The following CFAP91 variants were observed in gnomAD, a reference collection of about 807,000 sequenced individuals.
CFAP91 encodes cilia and flagella associated protein 91.
CFAP91 carries 85 observed loss-of-function variants against 95.9 expected under a neutral mutation model. The ratio of observed to expected loss-of-function variants is 0.89; its 90% CI spans 0.74 to 1.06. CFAP91 has a LOEUF of 1.06. CFAP91 is among the 50% of genes least tolerant of loss of function. The pLI, the probability that CFAP91 is intolerant of heterozygous loss-of-function variation, is 0.00. For synonymous variants in CFAP91, 335 were observed against 327.5 expected (o/e 1.02, Z -0.25); for missense variants, 962 against 943.4 (o/e 1.02, Z -0.26).
At chr3:119,703,724 C>T (rs1052087969) in intron 1 of CFAP91, among the ~76,000 whole-genome samples, 1 of 152,066 alleles carries the variant, frequency 6.6e-6, no homozygotes, top group Non-Finnish European at 1.5e-5. Context: ...CCGCTGGCTC[C>T]TCTTGGGCCA....
chr3:119,718,084 C>T (rs2053613831), intron 6 of CFAP91, among the ~76,000 whole-genome samples: 2 of 152,110 alleles, frequency 1.3e-5, no homozygotes, highest in Admixed American at 1.3e-4. Flanking sequence ...TGGTCTCCAC[C>T]CAAGAACCCC....
chr3:119,751,159 G>A, intron 17 of CFAP91, 61 bp downstream of exon 17: 1 of 1,517,626 alleles, frequency 6.6e-7, no homozygotes, highest in South Asian at 1.3e-5. Flanking sequence ...GCATTGTTCA[G>A]CTTTGTGCTG....
rs1375943915 is a variant in CFAP91, at chr3:119,732,487, T to C, written c.1201+11T>C. On this transcript the variant is annotated intron_variant, in intron 9 of 17. Coordinates refer to ENST00000273390, the MANE Select transcript of CFAP91 (RefSeq NM_033364.4). ...TCAACACCTATGAAGGTAAGCAATT[T>C]ACATAATTAGAAATCCAGTATAAGA... 1 of 1,526,076 alleles carries C rather than the reference T, an allele frequency of 6.6e-7. No homozygotes were observed. Among genetic ancestry groups the C allele is most frequent in the Non-Finnish European group, 8.9e-7 (1 of 1,129,766 alleles). The allele number at this position is 1,526,076 out of a possible 1,614,324, so 94.5% of individuals were successfully genotyped here.
intron 6 of CFAP91, among the ~76,000 whole-genome samples, chr3:119,717,535 A>C (rs2053599437): frequency 6.9e-6 from 1 of 144,740 alleles, no homozygotes; most frequent in African/African-American, 2.5e-5. Context: ...AATATCTGTT[A>C]AGTAAAATAC....
chr3:119,725,829 C>T (rs76054018), intron 6 of CFAP91, among the ~76,000 whole-genome samples: 1 of 152,074 alleles, frequency 6.6e-6, no homozygotes, highest in Non-Finnish European at 1.5e-5. Flanking sequence ...ATTTTTCCCA[C>T]CTCAGGGCTC....
At chr3:119,705,659 T>A (rs1229809050) in intron 1 of CFAP91, among the ~76,000 whole-genome samples, 5 of 152,174 alleles carry the variant, frequency 3.3e-5, no homozygotes, top group African/African-American at 9.6e-5. Context: ...CCTTACCCGA[T>A]TTCTTCTTTT....
chr3:119,707,292 A>G lies in CFAP91; in HGVS notation c.202-112A>G, dbSNP rs2053384015. 3 of 802,958 alleles carry G rather than the reference A, an allele frequency of 3.7e-6. No homozygotes were observed. In the South Asian group the frequency reaches 6.8e-5, roughly 18 times the overall value. 49.7% of individuals were successfully genotyped at this position (802,958 alleles called of 1,614,324 possible). A position where few individuals can be genotyped will look rare whatever the true frequency, so the allele number is the denominator to read the frequency against. ...GCATACAGCAATAACCCCTCTTCTT[A>G]TGCTGTATACATTGTTTTGTATGTT... On this transcript the variant is annotated intron_variant, in intron 2 of 17. Transcript: ENST00000273390.
At chr3:119,764,079 G>C (rs2054586983) in intron 17 of CFAP91, among the ~76,000 whole-genome samples, 1 of 152,070 alleles carries the variant, frequency 6.6e-6, no homozygotes, top group African/African-American at 2.4e-5. Context: ...CCATCATGCT[G>C]TACCTGACAA....
chr3:119,716,725 T>C (rs1047092857), intron 6 of CFAP91, among the ~76,000 whole-genome samples: 4 of 152,102 alleles, frequency 2.6e-5, no homozygotes, highest in African/African-American at 9.7e-5. Flanking sequence ...TAGCTGGGAG[T>C]ACAGGTGCAT....
At chr3:119,714,133 C>T (rs2053528585) in intron 5 of CFAP91, among the ~76,000 whole-genome samples, 1 of 151,842 alleles carries the variant, frequency 6.6e-6, no homozygotes, top group East Asian at 1.9e-4. Context: ...GAGGCAGAGA[C>T]GGGCGGATCA....
chr3:119,710,565 A>C (rs1250054762), intron 5 of CFAP91, among the ~76,000 whole-genome samples: 1 of 152,254 alleles, frequency 6.6e-6, no homozygotes, highest in East Asian at 1.9e-4. Context: ...TGGAGAAGAC[A>C]CAGACACATA....
chr3:119,743,704 G>C (rs1160832705), intron 13 of CFAP91, among the ~76,000 whole-genome samples: 1 of 152,160 alleles, frequency 6.6e-6, no homozygotes, highest in Non-Finnish European at 1.5e-5. Context: ...CATTCTCCAT[G>C]GTCACTAACA....
chr3:119,715,600 A>G lies in CFAP91; in HGVS notation c.539A>G (p.His180Arg), dbSNP rs1055729842. Residue 180 changes from histidine to arginine, a missense_variant, in exon 6 of 18, where the codon CAC becomes CGC. His to Arg is a conservative substitution (Grantham distance 29). Transcript: ENST00000273390. ...ACTTTTCCTCCTACTTCTACTAAGC[A>G]CCTATCCATCCCTTCAAAGTCTACT... is the stretch of plus-strand genomic sequence containing the variant. Reference protein sequence around the residue: ...PYTFPPTSTKHLSIPSKSTVG... With the variant: ...PYTFPPTSTKRLSIPSKSTVG... The G allele has an allele frequency of 6.2e-7, 1 of 1,614,096 alleles. No homozygotes were observed. The highest frequency in any genetic ancestry group is 1.7e-5 in the Admixed American group (1 of 60,024).
At position 119,737,411 on chromosome 3, in the gene CFAP91, C is replaced by T. The variant is rs778085805; in HGVS notation, c.1390C>T (p.Pro464Ser). 3 of 1,611,406 alleles carry T rather than the reference C, an allele frequency of 1.9e-6. No homozygotes were observed. Among genetic ancestry groups the T allele is most frequent in the East Asian group, 2.2e-5 (1 of 44,700 alleles). The change falls in exon 11 of 18, where the codon CCT becomes TCT. Residue 464 changes from proline (P) to serine (S), a missense_variant. Physicochemically the swap from Pro to Ser is moderately conservative, Grantham distance 74. Transcript: ENST00000273390. ...TAAAGTTCTTGAAGTAAAGAAACCCCCTCGCTTCCTTCAAAGAAACCCAAT... is the reference window on the plus strand; with the variant it reads ...TAAAGTTCTTGAAGTAAAGAAACCCTCTCGCTTCCTTCAAAGAAACCCAAT... ...KNKVLEVKKP[P>S]RFLQRNPIPQ...
intron 11 of CFAP91, among the ~76,000 whole-genome samples, chr3:119,737,908 C>T (rs1380984749): frequency 6.6e-6 from 1 of 152,282 alleles, no homozygotes; most frequent in African/African-American, 2.4e-5. Context: ...ACTCAAAGAG[C>T]CCTGCCCAGG....
Position 119,737,398 on chromosome 3 carries a change from A to G in CFAP91, c.1377A>G (p.Glu459=). Residue 459 remains glutamate (E), a synonymous_variant, in exon 11 of 18, where the codon GAA becomes GAG. Transcript: ENST00000273390. ...ALLDKKNKVL[E]VKKPPRFLQR... is the part of the protein sequence containing the mutation. ...TGGATAAGAAGAATAAAGTTCTTGA[A>G]GTAAAGAAACCCCCTCGCTTCCTTC... 1 of 1,608,368 alleles carries G rather than the reference A, an allele frequency of 6.2e-7. No individual in the cohort carries two copies. The highest frequency in any genetic ancestry group is 1.3e-5 in the African/African-American group (1 of 74,712).
rs763798431 is a variant in CFAP91, at chr3:119,703,192, T to A, written c.94T>A (p.Ser32Thr). ...RERSRAGSHI[S>T]SNRAYDFLYD... ...GAGGTCGCGGGCTGGGAGCCACATC[T>A]CCTCCAATCGAGCGTATGATTTTCT... is the stretch of plus-strand genomic sequence containing the variant. Residue 32 changes from serine (S) to threonine (T), a missense_variant, in exon 1 of 18, where the codon TCC (serine) becomes ACC (threonine). Ser to Thr is a moderately conservative substitution (Grantham distance 58). Transcript: ENST00000273390. 8.1e-6 allele frequency: 13 copies of A among 1,609,170 alleles called. No homozygotes were observed. Among genetic ancestry groups the A allele is most frequent in the Non-Finnish European group, 1.1e-5 (13 of 1,178,314 alleles).
rs1349917758 is a variant in CFAP91 at position 119,726,323 on chromosome 3, G to T, written c.835G>T (p.Ala279Ser). ...GAATGAAATGGAGAGGAAGGAGTGG[G>T]CCTTCAGAGAGCAGGAGATTGAAAA... ...MMNEMERKEW[A>S]FREQEIEKLQ... Residue 279 changes from alanine (A) to serine (S), a missense_variant, in exon 7 of 18, where the codon GCC (alanine) becomes TCC (serine). Transcript: ENST00000273390. 1 of 1,613,156 alleles carries T rather than the reference G, an allele frequency of 6.2e-7. No individual in the cohort carries two copies. Among genetic ancestry groups the T allele is most frequent in the East Asian group, 2.2e-5 (1 of 44,852 alleles).
chr3:119,739,208 G>C, intron 11 of CFAP91, 47 bp from the exon 12 acceptor site: 1 of 1,450,816 alleles, frequency 6.9e-7, no homozygotes, highest in East Asian at 2.3e-5. Context: ...TTGATGCTTG[G>C]ACTACTGCAG....
Sources: allele counts gnomAD v4.1 joint callset (sites outside exome capture counted in the v4.1 genomes callset), GRCh38; gene constraint gnomAD v4.1.1; transcripts MANE v1.5; gene names NCBI Gene and HGNC (gene_info 2026-07-23, HGNC 2026-07-21).